CASP5: variants seen among roughly 807,000 people sequenced by gnomAD.
CASP5 encodes caspase-5.
Under a neutral mutation model 45.2 loss-of-function variants are expected in CASP5, and 42 were observed. The observed-to-expected ratio is 0.93, with a 90% CI of 0.73 to 1.20. The LOEUF (loss-of-function observed/expected upper bound fraction) is 1.20. Ranked by LOEUF, CASP5 falls within the 50% of genes most tolerant of loss-of-function variation. The pLI is 0.00. For missense variants in CASP5, 512 were observed against 532.2 expected (o/e 0.96, Z 0.37); for synonymous variants, 209 against 186.2 (o/e 1.12, Z -1.00).
chr11:105,003,271 C>A lies in CASP5; in HGVS notation c.543+3G>T. ...TCCCCATTTCATACAGAGAGCACAG[C>A]ACCTCATCATGATTTTTTTTACACA... is the stretch of plus-strand genomic sequence containing the variant. On this transcript the variant is annotated splice_donor_region_variant and intron_variant, in intron 4 of 9. Transcript: ENST00000260315. 6.6e-7 allele frequency: 1 copy of A among 1,508,728 alleles called. No homozygotes were observed. The allele number at this position is 1,508,728 out of a possible 1,614,324, so 93.5% of individuals were successfully genotyped here.
intron 1 of CASP5, among the ~76,000 whole-genome samples, chr11:105,017,474 G>A (rs943817301): frequency 3.3e-5 from 5 of 151,994 alleles, no homozygotes; most frequent in African/African-American, 9.7e-5. Context: ...AGCTGATGGA[G>A]CTGAAAACCA....
intron 1 of CASP5, among the ~76,000 whole-genome samples, chr11:105,011,871 A>C (rs1235869310): frequency 6.6e-6 from 1 of 151,772 alleles, no homozygotes; most frequent in Non-Finnish European, 1.5e-5. Context: ...CTACCCAAGA[A>C]ATCTATGAAT....
intron 8 of CASP5, among the ~76,000 whole-genome samples, chr11:104,996,558 G>T (rs958219346): frequency 4.6e-5 from 7 of 152,060 alleles, no homozygotes; most frequent in Non-Finnish European, 1.5e-5. Flanking sequence ...ACTTTCCTGT[G>T]TTAATACCAA....
At chr11:104,996,860 C>A (rs1264120483) in intron 8 of CASP5, among the ~76,000 whole-genome samples, 1 of 152,112 alleles carries the variant, frequency 6.6e-6, no homozygotes, top group Non-Finnish European at 1.5e-5. Flanking sequence ...CAAACCTTCC[C>A]TTCTGCCCTT....
chr11:105,007,433 T>C (rs1862064994), intron 2 of CASP5, 99 bp from the exon 3 acceptor site: 2 of 1,148,862 alleles, frequency 1.7e-6, no homozygotes, highest in Admixed American at 2.3e-5. Context: ...CCTCTAAAAA[T>C]ACATTCTATT....
chr11:105,006,415 G>T (rs754903630), intron 3 of CASP5, among the ~76,000 whole-genome samples: 8 of 152,192 alleles, frequency 5.3e-5, no homozygotes, highest in Non-Finnish European at 1.0e-4. Flanking sequence ...GAAGAAACCA[G>T]TTACATTCTG....
intron 1 of CASP5, among the ~76,000 whole-genome samples, chr11:105,011,109 T>C (rs2134734686): frequency 6.6e-6 from 1 of 151,802 alleles, no homozygotes; most frequent in South Asian, 2.1e-4. Context: ...GACAAAAACG[T>C]TGGTTTTAAA....
At chr11:104,997,520 G>T in intron 7 of CASP5, 28 bp from the exon 8 acceptor site, 1 of 1,382,072 alleles carries the variant, frequency 7.2e-7, no homozygotes, top group Non-Finnish European at 1.0e-6. Flanking sequence ...GGTATGCCTT[G>T]GGCTACGACT....
At chr11:105,020,850 C>A (rs78356240) in intron 1 of CASP5, among the ~76,000 whole-genome samples, 22,421 of 150,888 alleles carry the variant, frequency 0.15, 1,889 homozygotes, top group Admixed American at 0.24. Context: ...CGCATTGCCA[C>A]GTCAATCCTG....
At chr11:104,998,121 G>A (rs187969140) in intron 7 of CASP5, among the ~76,000 whole-genome samples, 9 of 152,206 alleles carry the variant, frequency 5.9e-5, no homozygotes, top group Non-Finnish European at 5.9e-5. Context: ...AATAAATAGA[G>A]AGCTGGAGGA....
intron 3 of CASP5, among the ~76,000 whole-genome samples, chr11:105,005,406 A>G (rs1162411773): frequency 1.3e-5 from 2 of 149,648 alleles, no homozygotes; most frequent in East Asian, 1.9e-4. Flanking sequence ...GTAAACAGTT[A>G]AATAACAAAT....
chr11:105,015,125 T>G (rs1862524584), intron 1 of CASP5, among the ~76,000 whole-genome samples: 1 of 151,692 alleles, frequency 6.6e-6, no homozygotes, highest in Admixed American at 6.6e-5. Flanking sequence ...TTTGAAGATG[T>G]TTGTTTGCAG....
In CASP5 at chr11:104,997,504, C is replaced by T. The variant is rs1861521209; in HGVS notation, c.1097-12G>A. ...CCAGGACACGTTATCTATGATGATA[C>T]AGCCTGGTATGCCTTGGGCTACGAC... is the stretch of plus-strand genomic sequence containing the variant. On this transcript the variant is annotated splice_polypyrimidine_tract_variant and intron_variant, in intron 7 of 9. Coordinates refer to ENST00000260315, the MANE Select transcript of CASP5 (RefSeq NM_004347.5). The T allele has an allele frequency of 4.5e-6, 7 of 1,557,092 alleles. No individual in the cohort carries two copies. Among genetic ancestry groups the T allele is most frequent in the South Asian group, 2.2e-5 (2 of 89,170 alleles).
Position 105,007,279 on chromosome 11 carries a change from A to G in CASP5, c.237T>C (p.Val79=). The G allele has an allele frequency of 2.5e-6, 4 of 1,610,944 alleles. No homozygotes were observed. Among genetic ancestry groups the G allele is most frequent in the Non-Finnish European group, 3.4e-6 (4 of 1,179,562 alleles). ...CCAAATAATTAAAAACACCATGAAG[A>G]ACATCTTTGCCCAGGTATTCCAACA... ...VKMLEYLGKD[V]LHGVFNYLAK... The change falls in exon 3 of 10, where the codon GTT becomes GTC. Residue 79 remains valine, a synonymous_variant. Coordinates refer to ENST00000260315, the MANE Select transcript of CASP5 (RefSeq NM_004347.5).
At chr11:105,016,904 C>T (rs1020499622) in intron 1 of CASP5, among the ~76,000 whole-genome samples, 7 of 151,596 alleles carry the variant, frequency 4.6e-5, no homozygotes, top group African/African-American at 7.3e-5. Context: ...TTAAATGTCC[C>T]TGTCTGACAG....
chr11:105,020,743 T>G (rs1044794218), intron 1 of CASP5, among the ~76,000 whole-genome samples: 3 of 151,494 alleles, frequency 2.0e-5, no homozygotes, highest in African/African-American at 7.4e-5. Flanking sequence ...CCAAGATAAT[T>G]TACAGATTCA....
At chr11:105,006,303 CA>C (rs1184044165) in intron 3 of CASP5, among the ~76,000 whole-genome samples, 1 of 152,142 alleles carries the variant, frequency 6.6e-6, no homozygotes, top group Admixed American at 6.5e-5. Context: ...ATTAAGAAAG[CA>C]CTCTTTATTG....
intron 1 of CASP5, among the ~76,000 whole-genome samples, chr11:105,018,134 C>T (rs1488948320): frequency 1.3e-5 from 2 of 151,280 alleles, no homozygotes; most frequent in Admixed American, 6.6e-5. Flanking sequence ...CCAGGCCTGC[C>T]CTAAAAGAGC....
At chr11:105,011,399 G>A (rs55768924) in intron 1 of CASP5, among the ~76,000 whole-genome samples, 2 of 151,610 alleles carry the variant, frequency 1.3e-5, no homozygotes. Flanking sequence ...ATTAGGAAGA[G>A]GACAAACACA....
Sources: allele counts gnomAD v4.1 joint callset (sites outside exome capture counted in the v4.1 genomes callset), GRCh38; gene constraint gnomAD v4.1.1; transcripts MANE v1.5; gene names NCBI Gene and HGNC (gene_info 2026-07-23, HGNC 2026-07-21).